CHD7: variants seen among roughly 807,000 people sequenced by gnomAD.
The protein encoded by CHD7 is ATP-dependent chromatin remodeler CHD7.
In CHD7, 24 loss-of-function variants were observed where a neutral mutation model predicts 307.3. The ratio of observed to expected loss-of-function variants is 0.08; its 90% CI spans 0.06 to 0.11. The LOEUF is 0.11. Among genes scored for constraint, CHD7 ranks in the 10% least tolerant of loss-of-function variants. CHD7 has a pLI of 1.00. For missense variants in CHD7, 3,106 were observed against 3,727.1 expected, an observed-to-expected ratio of 0.83 and a Z score of 4.34; for synonymous variants, 1,363 against 1,349.9, an observed-to-expected ratio of 1.01 and a Z score of -0.21.
At chr8:60,746,678 A>G (rs947884873) in intron 2 of CHD7, among the ~76,000 whole-genome samples, 4 of 152,186 alleles carry the variant, frequency 2.6e-5, no homozygotes, top group African/African-American at 7.2e-5. Context: ...TTCTGAATGG[A>G]TATTTTCTAG....
rs143352257 is a variant in CHD7 at position 60,833,568 on chromosome 8, T to C, written c.3779-2505T>C. On this transcript the variant is annotated intron_variant, in intron 15 of 37. Coordinates refer to ENST00000423902, the MANE Select transcript of CHD7 (RefSeq NM_017780.4). ...TATTTTCTTGTTTGTTCGTGGCTTTTATATAGCTAGAGGACATTGCAGTTA... is the reference window on the plus strand; with the variant it reads ...TATTTTCTTGTTTGTTCGTGGCTTTCATATAGCTAGAGGACATTGCAGTTA... 3.6e-3 allele frequency among the ~76,000 whole-genome samples: 553 copies of C among 152,326 alleles called. 3 individuals are homozygous for C. The highest frequency in any genetic ancestry group is 0.013 in the African/African-American group (521 of 41,558).
chr8:60,860,881 A>T (rs1805937851), intron 34 of CHD7, 23 bp from the exon 35 acceptor site: 1 of 1,572,266 alleles, frequency 6.4e-7, no homozygotes, highest in Non-Finnish European at 8.7e-7. Flanking sequence ...GTGAGAATTC[A>T]TACCATTGTG....
intron 1 of CHD7, among the ~76,000 whole-genome samples, chr8:60,713,325 C>CTGT (rs1807383703): frequency 6.6e-6 from 1 of 151,960 alleles, no homozygotes; most frequent in Non-Finnish European, 1.5e-5. Flanking sequence ...ATTGGCCAGG[C>CTGT]TGTTCTCGAC....
chr8:60,806,791 C>T (rs982357645), intron 6 of CHD7, among the ~76,000 whole-genome samples: 1 of 152,052 alleles, frequency 6.6e-6, no homozygotes. Context: ...TTGCTTGAGC[C>T]TAAGAGTTTG....
rs536003972 is a variant in CHD7, at chr8:60,706,570, A to G, written c.-175+27488A>G. 9.8e-5 allele frequency among the ~76,000 whole-genome samples: 15 copies of G among 152,298 alleles called. No individual in the cohort carries two copies. The East Asian group carries it at 2.5e-3, about 25-fold the overall frequency. ...TTTAATAGAGGATTTTGCTCTAATTATTGAATACTCAGAAGTAGGAATTAG... is the reference window on the plus strand; with the variant it reads ...TTTAATAGAGGATTTTGCTCTAATTGTTGAATACTCAGAAGTAGGAATTAG... On this transcript the variant is annotated intron_variant, in intron 1 of 37. Coordinates refer to ENST00000423902, the MANE Select transcript of CHD7 (RefSeq NM_017780.4).
chr8:60,798,258 G>A (rs555294065), intron 4 of CHD7, among the ~76,000 whole-genome samples: 5 of 152,306 alleles, frequency 3.3e-5, no homozygotes, highest in Non-Finnish European at 7.4e-5. Flanking sequence ...GCTTTGTCCT[G>A]TAGAGGAGGG....
intron 1 of CHD7, among the ~76,000 whole-genome samples, chr8:60,740,784 C>T (rs1808959368): frequency 6.6e-6 from 1 of 152,224 alleles, no homozygotes; most frequent in South Asian, 2.1e-4. Context: ...GAGCTTTTCA[C>T]AGCCCTTGGT....
chr8:60,856,121 G>T lies in CHD7; in HGVS notation c.7083G>T (p.Arg2361Ser), dbSNP rs1325869967. The T allele has an allele frequency of 1.2e-6, 2 of 1,609,862 alleles. No individual in the cohort carries two copies. The highest frequency in any genetic ancestry group is 3.4e-5 in the Admixed American group (2 of 59,498). ...CAGTGGACAGCCCCTTGCAGAAGAGGAGCTTTGCTGAGCTCTCCATGGTCG... is the reference window on the plus strand; with the variant it reads ...CAGTGGACAGCCCCTTGCAGAAGAGTAGCTTTGCTGAGCTCTCCATGGTCG... ...PTTVDSPLQK[R>S]SFAELSMVGQ... Residue 2361 changes from arginine to serine, a missense_variant, in exon 33 of 38, where the codon AGG (arginine) becomes AGT (serine). Arg to Ser is a moderately radical substitution (Grantham distance 110, BLOSUM62 -1). Coordinates refer to ENST00000423902, the MANE Select transcript of CHD7 (RefSeq NM_017780.4).
chr8:60,756,190 A>G (rs1809882460), intron 2 of CHD7, among the ~76,000 whole-genome samples: 2 of 152,252 alleles, frequency 1.3e-5, no homozygotes, highest in South Asian at 4.1e-4. Flanking sequence ...AAAAATAGAA[A>G]GGAGAGTTTT....
chr8:60,863,466 C>T (rs1385906705), intron 37 of CHD7: 4 of 152,226 alleles, frequency 2.6e-5, no homozygotes, highest in Non-Finnish European at 4.4e-5. Flanking sequence ...GCTTAGCCCT[C>T]ACACACTGAA....
chr8:60,849,221 ATAC>A (rs1805346637), intron 25 of CHD7, 67 bp downstream of exon 25: 2 of 986,030 alleles, frequency 2.0e-6, no homozygotes, highest in Non-Finnish European at 3.1e-6. Context: ...AACTCTTTAC[ATAC>A]TCTTTTCCAA....
intron 1 of CHD7, among the ~76,000 whole-genome samples, chr8:60,710,070 A>T (rs140492677): frequency 2.0e-5 from 3 of 151,028 alleles, no homozygotes; most frequent in Non-Finnish European, 4.4e-5. Context: ...AATTCTCCCA[A>T]TGTCACTTTT....
chr8:60,742,048 C>T lies in CHD7; in HGVS notation c.616C>T (p.Pro206Ser). The T allele has an allele frequency of 1.2e-6, 2 of 1,613,870 alleles. No homozygotes were observed. Among genetic ancestry groups the T allele is most frequent in the Non-Finnish European group, 1.7e-6 (2 of 1,179,898 alleles). ...GDFSMQQHGQ[P>S]QQRMSQFSQG... ...TTTTTCCATGCAGCAGCATGGTCAG[C>T]CACAGCAGAGGATGAGCCAGTTTTC... is the stretch of plus-strand genomic sequence containing the variant. Residue 206 changes from proline to serine, a missense_variant, in exon 2 of 38, where the codon CCA becomes TCA. Physicochemically the swap from Pro to Ser is moderately conservative, Grantham distance 74 (BLOSUM62 -1). Transcript: ENST00000423902.
intron 1 of CHD7, among the ~76,000 whole-genome samples, chr8:60,716,150 A>G (rs1807588515): frequency 1.3e-5 from 2 of 151,918 alleles, no homozygotes; most frequent in Admixed American, 1.3e-4. Flanking sequence ...TTTTCTCTCC[A>G]CTTCTACCAC....
intron 36 of CHD7, 102 bp from the exon 37 acceptor site, chr8:60,862,446 T>A: frequency 6.9e-7 from 1 of 1,459,184 alleles, no homozygotes; most frequent in Non-Finnish European, 9.3e-7. Context: ...CCCGAATGCG[T>A]GTGTGCGTGT....
chr8:60,807,034 G>GA (rs1447596845), intron 6 of CHD7, among the ~76,000 whole-genome samples: 1 of 151,664 alleles, frequency 6.6e-6, no homozygotes, highest in African/African-American at 2.4e-5. Flanking sequence ...AGAAAAGAAA[G>GA]AAAAAAAATT....
Position 60,848,486 on chromosome 8 carries a change from CT to C in CHD7, c.5211-24del, listed in dbSNP as rs561817189. 1.8e-4 allele frequency: 280 copies of C among 1,566,846 alleles called. 1 individual carries two copies. Among genetic ancestry groups the C allele is most frequent in the Non-Finnish European group, 2.2e-4 (250 of 1,143,714 alleles). On this transcript the variant is annotated intron_variant, in intron 23 of 37. Coordinates refer to ENST00000423902, the MANE Select transcript of CHD7 (RefSeq NM_017780.4). ...TGGCAAACAGTCCTGAAGTTAAGAACTTTTTCCCCCCTCTGTCTTCCTCTCC... is the reference window on the plus strand; with the variant it reads ...TGGCAAACAGTCCTGAAGTTAAGAACTTTTCCCCCCTCTGTCTTCCTCTCC...
intron 1 of CHD7, among the ~76,000 whole-genome samples, chr8:60,719,395 T>C (rs1330871219): frequency 6.6e-6 from 1 of 152,240 alleles, no homozygotes; most frequent in Non-Finnish European, 1.5e-5. Flanking sequence ...TAGATTGATT[T>C]TATGTCTTTA....
chr8:60,847,571 T>C (rs1392730093), intron 23 of CHD7, among the ~76,000 whole-genome samples: 4 of 152,232 alleles, frequency 2.6e-5, no homozygotes, highest in Non-Finnish European at 5.9e-5. Flanking sequence ...TGTATTACCA[T>C]GTACTCATGG....
Sources: allele counts gnomAD v4.1 joint callset (sites outside exome capture counted in the v4.1 genomes callset), GRCh38; gene constraint gnomAD v4.1.1; transcripts MANE v1.5; gene names NCBI Gene and HGNC (gene_info 2026-07-23, HGNC 2026-07-21).